The following FRG1 variants were observed in gnomAD, a reference collection of about 807,000 sequenced individuals.
FRG1 encodes FSHD region gene 1.
FRG1 carries 19 observed loss-of-function variants against 37.0 expected under a neutral mutation model. That is an observed-to-expected ratio of 0.51 (90% CI 0.36 to 0.75). The LOEUF (loss-of-function observed/expected upper bound fraction) is 0.75, where lower values mean the gene tolerates loss of function less well. Among genes scored for constraint, FRG1 ranks in the 30% least tolerant of loss-of-function variants. FRG1 has a pLI of 0.00. For missense variants in FRG1, 243 were observed against 301.4 expected (o/e 0.81, Z 1.44); for synonymous variants, 73 against 96.5 (o/e 0.76, Z 1.43).
At position 189,940,872 on chromosome 4, in the gene FRG1, G is replaced by C. The variant is rs971158375; in HGVS notation, c.-138G>C. ...TCAGCGTTTGGGTGAAGACGGAGGC[G>C]GGTTCTACAGAGACGTAGGCTGTCA... is the stretch of plus-strand genomic sequence containing the variant. On this transcript the variant is annotated 5_prime_UTR_variant, in exon 1 of 9. Coordinates refer to ENST00000226798, the MANE Select transcript of FRG1 (RefSeq NM_004477.3). 1 of 616,056 alleles carries C rather than the reference G, an allele frequency of 1.6e-6. No individual in the cohort carries two copies. The highest frequency in any genetic ancestry group is 1.9e-5 in the African/African-American group (1 of 51,950). 38.2% of individuals were successfully genotyped at this position (616,056 alleles called of 1,614,324 possible).
intron 6 of FRG1, among the ~76,000 whole-genome samples, chr4:189,957,983 T>C (rs1374655768): frequency 6.6e-6 from 1 of 152,104 alleles, no homozygotes; most frequent in East Asian, 1.9e-4. Context: ...CATATGAATA[T>C]GTTTATAATT....
intron 6 of FRG1, 90 bp from the exon 7 acceptor site, chr4:189,960,658 A>G (rs1270891823): frequency 1.7e-6 from 2 of 1,194,636 alleles, no homozygotes; most frequent in African/African-American, 3.1e-5. Flanking sequence ...CTGCATAAGA[A>G]ATCATCTCGA....
intron 1 of FRG1, among the ~76,000 whole-genome samples, chr4:189,941,332 C>T (rs907387420): frequency 6.6e-6 from 1 of 152,104 alleles, no homozygotes; most frequent in African/African-American, 2.4e-5. Context: ...GTTTGGGTCC[C>T]CTGAGGCATC....
At chr4:189,957,375 AT>A (rs1737027905) in intron 5 of FRG1, 22 bp from the exon 6 acceptor site, 1 of 1,508,182 alleles carries the variant, frequency 6.6e-7, no homozygotes, top group African/African-American at 2.1e-5. Flanking sequence ...CCTCATGGCT[AT>A]TTTGTTATTT....
intron 8 of FRG1, among the ~76,000 whole-genome samples, chr4:189,962,443 A>G (rs1439792918): frequency 6.6e-6 from 1 of 152,202 alleles, no homozygotes; most frequent in East Asian, 1.9e-4. Flanking sequence ...TAGATTTATG[A>G]CATAGAAAAA....
chr4:189,954,553 C>T (rs377382397), intron 4 of FRG1, among the ~76,000 whole-genome samples: 1 of 150,476 alleles, frequency 6.6e-6, no homozygotes, highest in Admixed American at 6.6e-5. Context: ...TTTAAAACTG[C>T]ACTGTCCAAC....
At chr4:189,954,708 C>T (rs201767630) in intron 4 of FRG1, among the ~76,000 whole-genome samples, 3 of 151,518 alleles carry the variant, frequency 2.0e-5, no homozygotes, top group Non-Finnish European at 4.4e-5. Flanking sequence ...AATCCTCCTG[C>T]GTCAGCCTCC....
chr4:189,953,539 A>G (rs990329842), intron 4 of FRG1, among the ~76,000 whole-genome samples: 1 of 152,132 alleles, frequency 6.6e-6, no homozygotes, highest in African/African-American at 2.4e-5. Flanking sequence ...TTTACTCACT[A>G]TTTTTACAGT....
intron 4 of FRG1, among the ~76,000 whole-genome samples, chr4:189,953,581 C>G (rs1243804284): frequency 6.6e-6 from 1 of 151,976 alleles, no homozygotes; most frequent in African/African-American, 2.4e-5. Context: ...TTATTCTCAC[C>G]TTGTGCAAAA....
Position 189,943,208 on chromosome 4 carries a change from G to GA in FRG1, c.74dup (p.Ser26GlufsTer4), listed in dbSNP as rs1561062179. 1 of 1,593,176 alleles carries GA rather than the reference G, an allele frequency of 6.3e-7. No individual in the cohort carries two copies. Among genetic ancestry groups the GA allele is most frequent in the African/African-American group, 1.3e-5 (1 of 74,100 alleles). Reference sequence around the variant, plus strand: ...TATAAATTATGTCCTGTAGTAAGAAGAAAAAGAGCAAAGATAAGAAAAGAA... The same window carrying GA: ...TATAAATTATGTCCTGTAGTAAGAAGAAAAAAGAGCAAAGATAAGAAAAGAA... On this transcript the variant is annotated frameshift_variant, in exon 2 of 9. Transcript: ENST00000226798. LOFTEE classifies it high-confidence loss of function.
chr4:189,951,215 C>T lies in FRG1; in HGVS notation c.134-947C>T, dbSNP rs112941386. Among the ~76,000 whole-genome samples, 24 of 152,126 alleles carry T rather than the reference C, an allele frequency of 1.6e-4. 1 individual carries two copies. The highest frequency in any genetic ancestry group is 1.1e-3 in the Admixed American group (17 of 15,278). On this transcript the variant is annotated intron_variant, in intron 2 of 8. Transcript: ENST00000226798. ...ATCATAGTTAAGATTACTGGCCAGG[C>T]GCGGTGGCTCACACCTGTAATCCCA...
chr4:189,946,845 G>T (rs11726999), intron 2 of FRG1, among the ~76,000 whole-genome samples: 42,346 of 150,334 alleles, frequency 0.28, 6,048 homozygotes, highest in Middle Eastern at 0.42. Flanking sequence ...AGGGTTTTTT[G>T]TTTGTTTGTT....
intron 2 of FRG1, among the ~76,000 whole-genome samples, chr4:189,946,917 A>G (rs1579621859): frequency 6.6e-6 from 1 of 152,056 alleles, no homozygotes; most frequent in African/African-American, 2.4e-5. Flanking sequence ...CAGTGGTGCA[A>G]TCTCGGCTCA....
intron 7 of FRG1, 192 bp from the exon 8 acceptor site, chr4:189,961,630 A>G: frequency 2.5e-6 from 1 of 406,500 alleles, no homozygotes; most frequent in Non-Finnish European, 4.4e-6. Context: ...CTGTTCTCGA[A>G]CTCCTGACCT....
In FRG1 at chr4:189,961,936, G is replaced by A. The variant is rs758320740; in HGVS notation, c.740+4G>A. ...TGCATGAGACGCTTCTGGACAGGTA[G>A]CTATTTATTTACTTATTTCCACTAT... On this transcript the variant is annotated splice_donor_region_variant and intron_variant, in intron 8 of 8. Transcript: ENST00000226798. The A allele has an allele frequency of 5.4e-6, 8 of 1,475,014 alleles. No individual in the cohort carries two copies. In the African/African-American group the frequency reaches 1.0e-4, roughly 19 times the overall value. 91.4% of individuals were successfully genotyped at this position (1,475,014 alleles called of 1,614,324 possible). A position where few individuals can be genotyped will look rare whatever the true frequency, so the allele number is the denominator to read the frequency against.
In FRG1 at chr4:189,941,000, T is replaced by C; in HGVS notation, c.-10T>C. 2 of 1,611,726 alleles carry C rather than the reference T, an allele frequency of 1.2e-6. No homozygotes were observed. The highest frequency in any genetic ancestry group is 1.7e-5 in the Admixed American group (1 of 59,960). ...GCCTCAGCCTCTCCGCGCAGAAGTT[T>C]CCCGGAGCCATGGCCGAGTACTCCT... On this transcript the variant is annotated 5_prime_UTR_variant, in exon 1 of 9. Coordinates refer to ENST00000226798, the MANE Select transcript of FRG1 (RefSeq NM_004477.3).
At chr4:189,948,705 T>G (rs569822730) in intron 2 of FRG1, among the ~76,000 whole-genome samples, 4 of 152,396 alleles carry the variant, frequency 2.6e-5, no homozygotes, top group South Asian at 2.1e-4. Context: ...GTTTTGTTTT[T>G]TTTGAGACAG....
At chr4:189,958,461 T>A (rs1350049658) in intron 6 of FRG1, among the ~76,000 whole-genome samples, 10 of 152,256 alleles carry the variant, frequency 6.6e-5, no homozygotes, top group Non-Finnish European at 1.5e-4. Context: ...ATATTTTTAT[T>A]AATAGTACCC....
intron 6 of FRG1, chr4:189,959,960 T>C: frequency 3.6e-6 from 3 of 831,748 alleles, no homozygotes; most frequent in Non-Finnish European, 4.3e-6. Flanking sequence ...TTCAGCTTTA[T>C]GACCAGAACA....
Sources: gnomAD v4.1 joint callset for allele counts (sites outside exome capture counted in the v4.1 genomes callset) on GRCh38, gnomAD v4.1.1 for gene constraint, MANE v1.5 for transcripts, NCBI Gene and HGNC (gene_info 2026-07-23, HGNC 2026-07-21) for gene names.